LSAMP: variants seen among roughly 807,000 people sequenced by gnomAD.
The protein encoded by LSAMP is limbic system associated membrane protein, also known as limbic system-associated membrane protein.
Under a neutral mutation model 38.6 loss-of-function variants are expected in LSAMP, and 7 were observed. The observed-to-expected ratio is 0.18, with a 90% CI of 0.10 to 0.34. LSAMP has a LOEUF of 0.34. Ranked by LOEUF, LSAMP falls within the 10% of genes least tolerant of loss-of-function variation. The probability of loss-of-function intolerance (pLI) is 1.00; values close to 1 mark genes in which losing one functional copy is unlikely to be tolerated. For missense variants in LSAMP, 313 were observed against 420.0 expected, an observed-to-expected ratio of 0.75 and a Z score of 2.23; for synonymous variants, 154 against 166.8, an observed-to-expected ratio of 0.92 and a Z score of 0.59.
chr3:116,300,724 C>T (rs748356752), intron 1 of LSAMP, among the ~76,000 whole-genome samples: 1 of 152,152 alleles, frequency 6.6e-6, no homozygotes, highest in African/African-American at 2.4e-5. Flanking sequence ...ACTCCCCCTA[C>T]CCCAGTTTGT....
At position 116,251,352 on chromosome 3, in the gene LSAMP, G is replaced by A. The variant is rs7623598; in HGVS notation, c.156-164796C>T. On this transcript the variant is annotated intron_variant, in intron 1 of 6. Transcript: ENST00000490035. ...ATTTTTTTTGAGGAGGCCATGGTTA[G>A]TACAAAAGGTAGAGATAGAAAACAG... Among the ~76,000 whole-genome samples, 873 of 152,236 alleles carry A rather than the reference G, an allele frequency of 5.7e-3. 6 individuals are homozygous for A. Among genetic ancestry groups the A allele is most frequent in the African/African-American group, 0.02 (826 of 41,532 alleles).
intron 3 of LSAMP, among the ~76,000 whole-genome samples, chr3:115,916,405 T>G (rs1937252365): frequency 6.6e-6 from 1 of 152,230 alleles, no homozygotes; most frequent in African/African-American, 2.4e-5. Context: ...TGTCACCTCT[T>G]CACCTCAAGT....
intron 1 of LSAMP, among the ~76,000 whole-genome samples, chr3:116,243,341 A>T (rs1283658624): frequency 1.3e-5 from 2 of 152,196 alleles, no homozygotes; most frequent in African/African-American, 2.4e-5. Context: ...GGAACCAAAG[A>T]CATGAAAGTC....
intron 1 of LSAMP, among the ~76,000 whole-genome samples, chr3:116,315,284 G>T (rs1018034874): frequency 2.6e-5 from 4 of 152,148 alleles, no homozygotes; most frequent in African/African-American, 9.7e-5. Context: ...AATTTCCTCA[G>T]ATGCAATAGG....
intron 1 of LSAMP, among the ~76,000 whole-genome samples, chr3:116,182,200 CTG>C (rs1710500880): frequency 6.6e-6 from 1 of 151,822 alleles, no homozygotes; most frequent in Non-Finnish European, 1.5e-5. Context: ...CATGACACCT[CTG>C]TAGCAAATGA....
At chr3:116,030,396 G>A (rs1940892024) in intron 2 of LSAMP, among the ~76,000 whole-genome samples, 1 of 152,122 alleles carries the variant, frequency 6.6e-6, no homozygotes, top group Non-Finnish European at 1.5e-5. Context: ...GCTCACTGAA[G>A]CTGCTGTTAC....
At chr3:115,861,210 C>A (rs563291764) in intron 3 of LSAMP, among the ~76,000 whole-genome samples, 53 of 139,938 alleles carry the variant, frequency 3.8e-4, no homozygotes, top group African/African-American at 1.4e-3. Flanking sequence ...TCCTTCCTTT[C>A]CTTCCTCCCT....
At chr3:116,092,893 T>C (rs549119144) in intron 1 of LSAMP, among the ~76,000 whole-genome samples, 1 of 152,312 alleles carries the variant, frequency 6.6e-6, no homozygotes, top group East Asian at 1.9e-4. Context: ...GCTGGACACA[T>C]TTCATATTTA....
At chr3:115,925,567 A>T (rs1055306639) in intron 3 of LSAMP, among the ~76,000 whole-genome samples, 3 of 152,314 alleles carry the variant, frequency 2.0e-5, no homozygotes, top group Non-Finnish European at 2.9e-5. Flanking sequence ...TTGATATTGC[A>T]AACTGTATAA....
intron 6 of LSAMP, among the ~76,000 whole-genome samples, chr3:115,840,036 T>C (rs1175832947): frequency 6.6e-6 from 1 of 151,968 alleles, no homozygotes; most frequent in East Asian, 1.9e-4. Context: ...ATGCTCACTT[T>C]CCCTTCTCCC....
intron 3 of LSAMP, among the ~76,000 whole-genome samples, chr3:115,915,696 A>C (rs1432237610): frequency 6.6e-6 from 1 of 151,832 alleles, no homozygotes; most frequent in Middle Eastern, 3.4e-3. Context: ...GCAGTGGCGC[A>C]ATCTCGGCTC....
intron 1 of LSAMP, among the ~76,000 whole-genome samples, chr3:116,216,610 G>A (rs1478129975): frequency 6.6e-6 from 1 of 151,606 alleles, no homozygotes; most frequent in African/African-American, 2.4e-5. Flanking sequence ...TGAATAGGAA[G>A]TGGGAGACAC....
At chr3:115,909,097 C>T (rs1559876659) in intron 3 of LSAMP, among the ~76,000 whole-genome samples, 3 of 152,098 alleles carry the variant, frequency 2.0e-5, no homozygotes, top group Non-Finnish European at 4.4e-5. Flanking sequence ...GTCCTAATGC[C>T]CGTCCGGTTC....
At chr3:116,039,575 G>C (rs567424875) in intron 2 of LSAMP, among the ~76,000 whole-genome samples, 1 of 152,336 alleles carries the variant, frequency 6.6e-6, no homozygotes, top group Admixed American at 6.5e-5. Flanking sequence ...TTAGGGTTTG[G>C]AGGAAGAGCT....
In LSAMP at chr3:116,217,114, C is replaced by T. The variant is rs889142690; in HGVS notation, c.156-130558G>A. Among the ~76,000 whole-genome samples the T allele has an allele frequency of 3.3e-5, 5 of 152,142 alleles. No homozygotes were observed. In the East Asian group the frequency reaches 9.6e-4, roughly 29 times the overall value. ...TCCAAAGGCTGTTTTAATTAAGACT[C>T]GGGAGATTAATTCTCACTGCTGGTG... On this transcript the variant is annotated intron_variant, in intron 1 of 6. Transcript: ENST00000490035.
intron 6 of LSAMP, among the ~76,000 whole-genome samples, chr3:115,835,692 A>C (rs1247310809): frequency 6.6e-6 from 1 of 152,150 alleles, no homozygotes; most frequent in South Asian, 2.1e-4. Flanking sequence ...AAAAGAGTAG[A>C]TTTTACCTGG....
At chr3:116,093,004 G>C (rs1203623322) in intron 1 of LSAMP, among the ~76,000 whole-genome samples, 1 of 152,034 alleles carries the variant, frequency 6.6e-6, no homozygotes, top group East Asian at 1.9e-4. Context: ...AGTATAATCT[G>C]GTATTTATTC....
Position 116,203,815 on chromosome 3 carries a change from G to A in LSAMP, c.156-117259C>T, listed in dbSNP as rs547300318. On this transcript the variant is annotated intron_variant, in intron 1 of 6. Transcript: ENST00000490035. ...CAGTCTATTATTGTTGGACATTTGC[G>A]TTGGTTCCAACTCTTTGCTATTGTG... Among the ~76,000 whole-genome samples, 15 of 152,138 alleles carry A rather than the reference G, an allele frequency of 9.9e-5. No homozygotes were observed. The South Asian group carries it at 1.5e-3, about 15-fold the overall frequency.
chr3:116,324,574 C>T lies in LSAMP; in HGVS notation c.155+120303G>A, dbSNP rs141884930. ...TACTAGAGTCATAATCTATTCATTC[C>T]GAGTTCTTACACACCTGAATCACAA... On this transcript the variant is annotated intron_variant, in intron 1 of 6. Coordinates refer to ENST00000490035, the MANE Select transcript of LSAMP (RefSeq NM_002338.5). Among the ~76,000 whole-genome samples the T allele has an allele frequency of 3.4e-3, 521 of 152,160 alleles. 4 individuals carry two copies. The highest frequency in any genetic ancestry group is 0.012 in the African/African-American group (498 of 41,536).
Sources: allele counts gnomAD v4.1 joint callset (sites outside exome capture counted in the v4.1 genomes callset), GRCh38; gene constraint gnomAD v4.1.1; transcripts MANE v1.5; gene names NCBI Gene and HGNC (gene_info 2026-07-23, HGNC 2026-07-21).